Variants in ORC2 observed in about 807,000 individuals in gnomAD.
The protein encoded by ORC2 is origin recognition complex protein 2 homolog.
ORC2 carries 37 observed loss-of-function variants against 77.7 expected under a neutral mutation model. That is an observed-to-expected ratio of 0.48 (90% CI 0.37 to 0.63). ORC2 has a LOEUF of 0.63. ORC2 is among the 20% of genes least tolerant of loss of function. ORC2 has a pLI of 0.00. For missense variants in ORC2, 557 were observed against 661.9 expected (o/e 0.84, Z 1.74); for synonymous variants, 201 against 229.5 (o/e 0.88, Z 1.12).
intron 4 of ORC2, 79 bp from the exon 5 acceptor site, chr2:200,949,722 G>C: frequency 1.4e-6 from 1 of 729,556 alleles, no homozygotes; most frequent in Non-Finnish European, 2.4e-6. Context: ...AAAAACTTAA[G>C]ATTTGTACCC....
chr2:200,938,382 AG>A (rs2041085849), intron 7 of ORC2, among the ~76,000 whole-genome samples: 2 of 152,224 alleles, frequency 1.3e-5, no homozygotes, highest in Non-Finnish European at 2.9e-5. Context: ...TAAGTATGAA[AG>A]GGAACGGGCA....
intron 5 of ORC2, among the ~76,000 whole-genome samples, chr2:200,944,669 T>C (rs1276872903): frequency 1.3e-5 from 2 of 152,128 alleles, no homozygotes; most frequent in East Asian, 1.9e-4. Flanking sequence ...AACTCCCAAA[T>C]AGCTGAGACC....
At chr2:200,916,116 A>G (rs2040644752) in intron 15 of ORC2, among the ~76,000 whole-genome samples, 1 of 152,222 alleles carries the variant, frequency 6.6e-6, no homozygotes, top group South Asian at 2.1e-4. Flanking sequence ...AGAATCAAGC[A>G]AAATTTCAAA....
Position 200,937,960 on chromosome 2 carries a change from C to G in ORC2, c.460G>C (p.Asp154His). The change falls in exon 8 of 18, where the codon GAC (aspartate) becomes CAC (histidine). Residue 154 changes from aspartate to histidine, a missense_variant. Transcript: ENST00000234296. The part of the protein sequence containing the change: ...ASDKVQPKNN[D>H]KSEFLSTAPR... ...GCTGTTGACAGAAATTCACTTTTGT[C>G]ATTGTTCTGTTTAGAAATAGAAAAA... The G allele has an allele frequency of 6.3e-7, 1 of 1,594,816 alleles. No individual in the cohort carries two copies.
chr2:200,948,854 A>G (rs2041298361), intron 5 of ORC2, among the ~76,000 whole-genome samples: 1 of 151,958 alleles, frequency 6.6e-6, no homozygotes, highest in African/African-American at 2.4e-5. Flanking sequence ...TACAGCCGTG[A>G]GCAACCATGC....
At chr2:200,927,625 G>A (rs1164872047) in intron 11 of ORC2, among the ~76,000 whole-genome samples, 1 of 150,454 alleles carries the variant, frequency 6.6e-6, no homozygotes, top group Non-Finnish European at 1.5e-5. Context: ...GGAAGGCGGA[G>A]CTTGCAGTGA....
At chr2:200,939,974 C>CTT (rs1217177608) in intron 7 of ORC2, among the ~76,000 whole-genome samples, 2 of 152,186 alleles carry the variant, frequency 1.3e-5, no homozygotes, top group African/African-American at 4.8e-5. Flanking sequence ...CATACCTAGA[C>CTT]TTGTCTAAAT....
At chr2:200,917,406 G>C (rs939713194) in intron 15 of ORC2, among the ~76,000 whole-genome samples, 1 of 152,018 alleles carries the variant, frequency 6.6e-6, no homozygotes, top group Non-Finnish European at 1.5e-5. Flanking sequence ...CCCTCCTCAG[G>C]CTCCCAAAGT....
At chr2:200,915,613 A>C (rs561618709) in intron 15 of ORC2, among the ~76,000 whole-genome samples, 1 of 152,220 alleles carries the variant, frequency 6.6e-6, no homozygotes, top group East Asian at 1.9e-4. Context: ...TGGGTATGCC[A>C]AAAATTCAAA....
In ORC2 at chr2:200,935,711, T is replaced by C. The variant is rs1442761879; in HGVS notation, c.696A>G (p.Lys232=). The C allele has an allele frequency of 6.2e-7, 1 of 1,604,586 alleles. No homozygotes were observed. Among genetic ancestry groups the C allele is most frequent in the Non-Finnish European group, 8.5e-7 (1 of 1,176,990 alleles). ...VGKETPSKRM[K]RDKTSDLVEE... Reference sequence around the variant, plus strand: ...TCTCTTCACTTACTGTTTTATCTCTTTTCATTCTCTTAGAAGGTGTTTCTT... The same window carrying C: ...TCTCTTCACTTACTGTTTTATCTCTCTTCATTCTCTTAGAAGGTGTTTCTT... The change falls in exon 9 of 18, where the codon AAA becomes AAG. Residue 232 remains lysine (K), a synonymous_variant. Coordinates refer to ENST00000234296, the MANE Select transcript of ORC2 (RefSeq NM_006190.5).
intron 1 of ORC2, among the ~76,000 whole-genome samples, chr2:200,961,114 T>C (rs1435678757): frequency 6.6e-6 from 1 of 151,914 alleles, no homozygotes; most frequent in Non-Finnish European, 1.5e-5. Flanking sequence ...ACCACATACC[T>C]CTCCTGCCAT....
Position 200,926,855 on chromosome 2 carries a change from ATCTC to A in ORC2, c.959_962del (p.Arg320IlefsTer3). ...TAGTGGTTCGAAACCTTTCTAGTAAATCTCTCTTAGAACCCAAACCATAAAGCAC... is the reference window on the plus strand; with the variant it reads ...TAGTGGTTCGAAACCTTTCTAGTAAATCTTAGAACCCAAACCATAAAGCAC... On this transcript the variant is annotated frameshift_variant, in exon 12 of 18. Transcript: ENST00000234296. LOFTEE classifies it high-confidence loss of function. 6.2e-7 allele frequency: 1 copy of A among 1,613,828 alleles called. No individual in the cohort carries two copies. Among genetic ancestry groups the A allele is most frequent in the Non-Finnish European group, 8.5e-7 (1 of 1,179,770 alleles).
rs1247084947 is a variant in ORC2, at chr2:200,942,752, T to G, written c.354A>C (p.Gln118His). Residue 118 changes from glutamine to histidine, a missense_variant, in exon 6 of 18, where the codon CAA (glutamine) becomes CAC (histidine). By Grantham distance (24) the Gln-to-His change is conservative. Coordinates refer to ENST00000234296, the MANE Select transcript of ORC2 (RefSeq NM_006190.5). ...TCTTCAAACTGAATGAAACACTTTT[T>G]TGTGGTGTTTTTGCTAGTTCTGAAG... The part of the protein sequence containing the change: ...KLASELAKTP[Q>H]KSVSFSLKND... 2 of 1,609,734 alleles carry G rather than the reference T, an allele frequency of 1.2e-6. No homozygotes were observed. Among genetic ancestry groups the G allele is most frequent in the Non-Finnish European group, 8.5e-7 (1 of 1,177,710 alleles).
rs186880050 is a variant in ORC2, at chr2:200,932,680, C to T, written c.807+1196G>A. Among the ~76,000 whole-genome samples, 119 of 152,206 alleles carry T rather than the reference C, an allele frequency of 7.8e-4. 1 individual carries two copies. Among genetic ancestry groups the T allele is most frequent in the Non-Finnish European group, 4.1e-4 (28 of 68,014 alleles). On this transcript the variant is annotated intron_variant, in intron 10 of 17. Transcript: ENST00000234296. ...TAATATTCATGGAAAACTGCACTTT[C>T]GACCCCAATATCCAGCTGTACTAGA...
At chr2:200,959,042 AG>A (rs1216654985) in intron 2 of ORC2, among the ~76,000 whole-genome samples, 1 of 152,008 alleles carries the variant, frequency 6.6e-6, no homozygotes, top group African/African-American at 2.4e-5. Context: ...TTATTGAGAC[AG>A]GGTCTCACTG....
intron 13 of ORC2, among the ~76,000 whole-genome samples, chr2:200,924,852 G>A (rs574632205): frequency 5.8e-4 from 88 of 152,024 alleles, no homozygotes; most frequent in African/African-American, 2.1e-3. Context: ...TCTGCCTCCC[G>A]GGCTCAAGCA....
Position 200,935,902 on chromosome 2 carries a change from G to GA in ORC2, c.515-11dup, listed in dbSNP as rs752172475. 36 of 1,606,936 alleles carry GA rather than the reference G, an allele frequency of 2.2e-5. No homozygotes were observed. The East Asian group carries it at 7.6e-4, about 34-fold the overall frequency. Reference sequence around the variant, plus strand: ...GAATGAGACCTTGGAACTGTGGGGGGAAAAATAGCAATTTGGACAATTTCA... The same window carrying GA: ...GAATGAGACCTTGGAACTGTGGGGGGAAAAAATAGCAATTTGGACAATTTCA... On this transcript the variant is annotated splice_polypyrimidine_tract_variant and intron_variant, in intron 8 of 17. Coordinates refer to ENST00000234296, the MANE Select transcript of ORC2 (RefSeq NM_006190.5).
chr2:200,941,779 G>A (rs1032963720), intron 6 of ORC2, among the ~76,000 whole-genome samples: 2 of 152,194 alleles, frequency 1.3e-5, no homozygotes, highest in African/African-American at 2.4e-5. Flanking sequence ...TTGAGGTCAG[G>A]AGTTAGAAAA....
At chr2:200,950,706 G>A (rs989968982) in intron 4 of ORC2, among the ~76,000 whole-genome samples, 4 of 152,116 alleles carry the variant, frequency 2.6e-5, no homozygotes, top group African/African-American at 4.8e-5. Flanking sequence ...ATTGAAAGTT[G>A]TTTTCATTTA....
Sources: allele counts gnomAD v4.1 joint callset (sites outside exome capture counted in the v4.1 genomes callset), GRCh38; gene constraint gnomAD v4.1.1; transcripts MANE v1.5; gene names NCBI Gene and HGNC (gene_info 2026-07-23, HGNC 2026-07-21).